The following HIRA variants were observed in gnomAD, a reference collection of about 807,000 sequenced individuals.
The protein encoded by HIRA is histone cell cycle regulator, also known as protein HIRA.
Under a neutral mutation model 126.6 loss-of-function variants are expected in HIRA, and 13 were observed. The ratio of observed to expected loss-of-function variants is 0.10; its 90% confidence interval spans 0.07 to 0.16. HIRA has a LOEUF of 0.16. Among genes scored for constraint, HIRA ranks in the 10% least tolerant of loss-of-function variants. The pLI is 1.00. For missense variants in HIRA, 834 were observed against 1,314.4 expected (o/e 0.63, Z 5.65); for synonymous variants, 511 against 520.0 (o/e 0.98, Z 0.24).
chr22:19,359,433 C>G lies in HIRA; in HGVS notation c.2137G>C (p.Val713Leu), dbSNP rs1274710484. ...YIEVENEVTV[V>L]GGVKLSRLKC... ...AGGCGGCTCAGCTTCACGCCCCCCACCACTGTCACTTCATTCTCCACCTCA... is the reference window on the plus strand; with the variant it reads ...AGGCGGCTCAGCTTCACGCCCCCCAGCACTGTCACTTCATTCTCCACCTCA... The change falls in exon 18 of 25, where the codon GTG becomes CTG. Residue 713 changes from valine (V) to leucine (L), a missense_variant. Transcript: ENST00000263208. 6.2e-7 allele frequency: 1 copy of G among 1,609,892 alleles called. No homozygotes were observed. The highest frequency in any genetic ancestry group is 1.3e-5 in the African/African-American group (1 of 74,844).
chr22:19,360,138 G>C (rs2088850332), intron 17 of HIRA, among the ~76,000 whole-genome samples: 1 of 152,172 alleles, frequency 6.6e-6, no homozygotes, highest in African/African-American at 2.4e-5. Context: ...TGGTAAAATA[G>C]GCAGAACCAC....
chr22:19,361,958 C>A (rs369604571), intron 15 of HIRA, 27 bp from the exon 16 acceptor site: 79 of 1,604,794 alleles, frequency 4.9e-5, no homozygotes, highest in Non-Finnish European at 6.7e-5. Context: ...CATCACACTT[C>A]CCTTCAGAAA....
At chr22:19,381,597 G>C (rs1381675836) in intron 13 of HIRA, among the ~76,000 whole-genome samples, 2 of 151,972 alleles carry the variant, frequency 1.3e-5, no homozygotes, top group Non-Finnish European at 2.9e-5. Flanking sequence ...CCTAAAATTT[G>C]AACCTCCTTA....
intron 24 of HIRA, among the ~76,000 whole-genome samples, chr22:19,342,414 TCTCA>T (rs1556007789): frequency 6.6e-6 from 1 of 151,946 alleles, no homozygotes; most frequent in Non-Finnish European, 1.5e-5. Flanking sequence ...GGAGATGGAG[TCTCA>T]CTCTGTCACC....
chr22:19,365,731 T>A (rs1211259894), intron 15 of HIRA: 1 of 152,240 alleles, frequency 6.6e-6, no homozygotes, highest in African/African-American at 2.4e-5. Context: ...AGCATTTTCA[T>A]CTTTCAAGTT....
chr22:19,388,640 C>G, intron 9 of HIRA, 86 bp from the exon 10 acceptor site: 2 of 1,032,710 alleles, frequency 1.9e-6, no homozygotes, highest in South Asian at 2.6e-5. Flanking sequence ...AACCTAGAAG[C>G]CTGGGTCAAA....
At chr22:19,392,269 C>T (rs1391369521) in intron 8 of HIRA, 55 bp from the exon 9 acceptor site, 11 of 1,124,486 alleles carry the variant, frequency 9.8e-6, no homozygotes, top group South Asian at 2.7e-5. Context: ...GGCATGTCCC[C>T]TGTGCCCAAG....
chr22:19,417,633 T>C (rs527239708), intron 1 of HIRA, among the ~76,000 whole-genome samples: 2 of 152,108 alleles, frequency 1.3e-5, no homozygotes, highest in African/African-American at 4.8e-5. Flanking sequence ...AAAAAATAAA[T>C]AAATAAAAAG....
At chr22:19,348,630 G>A in intron 24 of HIRA, among the ~76,000 whole-genome samples, 1 of 151,798 alleles carries the variant, frequency 6.6e-6, no homozygotes, top group East Asian at 1.9e-4. Flanking sequence ...CAAGTAGCTG[G>A]GATTACAGGT....
chr22:19,397,381 A>C (rs2089232773), intron 6 of HIRA, among the ~76,000 whole-genome samples: 1 of 152,232 alleles, frequency 6.6e-6, no homozygotes, highest in African/African-American at 2.4e-5. Context: ...TCTGTAATCC[A>C]AATGCTACTC....
At position 19,420,462 on chromosome 22, in the gene HIRA, CAAAAAAAA is replaced by C. The variant is rs760003741; in HGVS notation, c.38-9692_38-9685del. 7.5e-3 allele frequency among the ~76,000 whole-genome samples: 475 copies of C among 63,606 alleles called. 19 individuals are homozygous for C. The East Asian group carries it at 0.11, about 14-fold the overall frequency. The allele number at this position is 63,606 out of a possible 152,430, so 41.7% of individuals were successfully genotyped here. ...GCCTGGGCAACAAAAAAAACTGTCT[CAAAAAAAA>C]AAAAAAAAAAACCAAACCAAAACAA... is the stretch of plus-strand genomic sequence containing the variant. On this transcript the variant is annotated intron_variant, in intron 1 of 24. Transcript: ENST00000263208.
At chr22:19,337,728 A>G (rs2088581946) in intron 24 of HIRA, among the ~76,000 whole-genome samples, 1 of 152,212 alleles carries the variant, frequency 6.6e-6, no homozygotes, top group Admixed American at 6.5e-5. Flanking sequence ...TCTAAAGTCA[A>G]GACAAAGGAA....
At chr22:19,420,200 G>C (rs1201626636) in intron 1 of HIRA, among the ~76,000 whole-genome samples, 1 of 152,084 alleles carries the variant, frequency 6.6e-6, no homozygotes, top group Non-Finnish European at 1.5e-5. Flanking sequence ...GCTCACTCCT[G>C]TAATCCCAGC....
At chr22:19,431,329 G>T in intron 1 of HIRA, 111 bp downstream of exon 1, 1 of 1,247,310 alleles carries the variant, frequency 8.0e-7, no homozygotes, top group Non-Finnish European at 1.2e-6. Flanking sequence ...CTTGGGCACC[G>T]GGTACCGGGC....
rs765468708 is a variant in HIRA at position 19,398,103 on chromosome 22, G to A, written c.398-16C>T. On this transcript the variant is annotated splice_polypyrimidine_tract_variant and intron_variant, in intron 5 of 24. Transcript: ENST00000263208. ...TCCATCACATCTGAAAGAAGACAGAGGGTTCTGGTGAGATCTCTTACCTGG... is the reference window on the plus strand; with the variant it reads ...TCCATCACATCTGAAAGAAGACAGAAGGTTCTGGTGAGATCTCTTACCTGG... 2.1e-5 allele frequency: 34 copies of A among 1,602,548 alleles called. No homozygotes were observed. The highest frequency in any genetic ancestry group is 2.8e-5 in the Non-Finnish European group (33 of 1,170,160).
At chr22:19,371,178 G>A (rs2088961330) in intron 15 of HIRA, among the ~76,000 whole-genome samples, 1 of 152,136 alleles carries the variant, frequency 6.6e-6, no homozygotes, top group African/African-American at 2.4e-5. Flanking sequence ...CAAAATCTGA[G>A]GTTTCTTCAC....
At chr22:19,400,107 A>G (rs1202942906) in intron 5 of HIRA, among the ~76,000 whole-genome samples, 1 of 152,220 alleles carries the variant, frequency 6.6e-6, no homozygotes, top group Non-Finnish European at 1.5e-5. Context: ...TGCAGCTATT[A>G]ACTGCAAATT....
intron 14 of HIRA, 119 bp downstream of exon 14, chr22:19,377,746 TTTTC>T: frequency 2.3e-6 from 2 of 866,770 alleles, no homozygotes; most frequent in Non-Finnish European, 3.5e-6. Context: ...TCACGCATTT[TTTTC>T]TTTCTTTTTT....
At chr22:19,353,876 C>G (rs1190453552) in intron 22 of HIRA, 120 bp downstream of exon 22, 5 of 1,286,326 alleles carry the variant, frequency 3.9e-6, no homozygotes, top group Middle Eastern at 5.3e-4. Context: ...TGACCAGCAC[C>G]TGGGGCACAG....
Sources: gnomAD v4.1 joint callset for allele counts (sites outside exome capture counted in the v4.1 genomes callset) on GRCh38, gnomAD v4.1.1 for gene constraint, MANE v1.5 for transcripts, NCBI Gene and HGNC (gene_info 2026-07-23, HGNC 2026-07-21) for gene names.